The following MLC1 variants were observed in gnomAD, a reference collection of about 807,000 sequenced individuals.
The protein encoded by MLC1 is modulator of VRAC current 1.
A neutral mutation model predicts 44.7 loss-of-function variants in MLC1; 32 were observed. The observed-to-expected ratio is 0.72, with a 90% CI of 0.54 to 0.96. The LOEUF (loss-of-function observed/expected upper bound fraction) is 0.96. Ranked by LOEUF, MLC1 falls within the 40% of genes least tolerant of loss-of-function variation. The pLI is 0.00. For synonymous variants in MLC1, 190 were observed against 213.0 expected (o/e 0.89, Z 0.94); for missense variants, 459 against 492.2 (o/e 0.93, Z 0.64).
Position 50,072,997 on chromosome 22 carries a change from G to A in MLC1, c.714+1219C>T, listed in dbSNP as rs530657549. ...AACACAGCTGCTGCCAATGGGATGTGTCCACCTGGCAGGCGTGGGCCCCTT... is the reference window on the plus strand; with the variant it reads ...AACACAGCTGCTGCCAATGGGATGTATCCACCTGGCAGGCGTGGGCCCCTT... On this transcript the variant is annotated intron_variant, in intron 8 of 11. Coordinates refer to ENST00000311597, the MANE Select transcript of MLC1 (RefSeq NM_015166.4). Among the ~76,000 whole-genome samples the A allele has an allele frequency of 1.4e-4, 18 of 131,636 alleles. No individual in the cohort carries two copies. The East Asian group carries it at 4.3e-3, about 32-fold the overall frequency. 86.4% of individuals were successfully genotyped at this position (131,636 alleles called of 152,430 possible).
chr22:50,062,644 G>A (rs183818287), intron 11 of MLC1, among the ~76,000 whole-genome samples: 112 of 152,390 alleles, frequency 7.3e-4, no homozygotes, highest in African/African-American at 2.5e-3. Context: ...TTCTGAGGCC[G>A]GTGGTGTGCT....
rs1475168820 is a variant in MLC1, at chr22:50,083,798, C to T, written c.178-625G>A. Among the ~76,000 whole-genome samples the T allele has an allele frequency of 2.0e-5, 3 of 152,120 alleles. No homozygotes were observed. Among genetic ancestry groups the T allele is most frequent in the African/African-American group, 4.8e-5 (2 of 41,414 alleles). On this transcript the variant is annotated intron_variant, in intron 2 of 11. Transcript: ENST00000311597. This position sits in a 1 kb window ranked among gnomAD's most constrained non-coding sequence, Gnocchi z 4.6. ...GTCAGTATCAAAGGTCACTGGGACC[C>T]AGGGTCCTGGCAGAGGAAGCGAGGT...
chr22:50,063,872 ACCC>A (rs2061636978), intron 11 of MLC1, among the ~76,000 whole-genome samples, 159 bp downstream of exon 11: 2 of 14,742 alleles, frequency 1.4e-4, no homozygotes, highest in Non-Finnish European at 2.8e-4. Flanking sequence ...CCTCCCCAGC[ACCC>A]CCTCCCCCTG....
Position 50,060,970 on chromosome 22 carries a change from G to T in MLC1, c.*613C>A. ...TGGGAGAGCAGCGGCAGCCTGTGTC[G>T]CTTGCGCCCAGGCTCTGGAGGAGGG... On this transcript the variant is annotated 3_prime_UTR_variant, in exon 12 of 12. Coordinates refer to ENST00000311597, the MANE Select transcript of MLC1 (RefSeq NM_015166.4). The T allele has an allele frequency of 6.3e-6, 1 of 158,352 alleles. No individual in the cohort carries two copies. The highest frequency in any genetic ancestry group is 1.4e-5 in the Non-Finnish European group (1 of 71,238). The allele number at this position is 158,352 out of a possible 1,614,324, so 9.8% of individuals were successfully genotyped here. A position where few individuals can be genotyped will look rare whatever the true frequency, so the allele number is the denominator to read the frequency against.
chr22:50,062,592 G>A (rs117478707), intron 11 of MLC1, among the ~76,000 whole-genome samples: 82 of 152,382 alleles, frequency 5.4e-4, no homozygotes, highest in Non-Finnish European at 9.8e-4. Context: ...GCAAGAGAGC[G>A]TCCTCCGGGA....
Position 50,080,340 on chromosome 22 carries a change from T to C in MLC1, c.321+4A>G. On this transcript the variant is annotated splice_donor_region_variant and intron_variant, in intron 4 of 11. Coordinates refer to ENST00000311597, the MANE Select transcript of MLC1 (RefSeq NM_015166.4). The stretch of plus-strand genomic sequence containing the variant: ...GGCAGAGGCTGCCTGCAAGCTAGAC[T>C]CACCACATTGGCGTTCCTCCTGGAG... The C allele has an allele frequency of 6.2e-7, 1 of 1,606,294 alleles. No homozygotes were observed. Among genetic ancestry groups the C allele is most frequent in the Non-Finnish European group, 8.5e-7 (1 of 1,176,396 alleles).
chr22:50,081,905 TGAG>T (rs1270442673), intron 3 of MLC1, among the ~76,000 whole-genome samples: 1 of 152,144 alleles, frequency 6.6e-6, no homozygotes, highest in Non-Finnish European at 1.5e-5. Flanking sequence ...GCTCCCATGG[TGAG>T]GATAAAGGCC....
intron 9 of MLC1, among the ~76,000 whole-genome samples, chr22:50,070,181 G>A (rs1342912496): frequency 2.0e-5 from 3 of 152,108 alleles, no homozygotes; most frequent in Non-Finnish European, 4.4e-5. Flanking sequence ...CAGCCTGGGG[G>A]ACAAGAGCGA....
chr22:50,076,471 C>T (rs1197325980), intron 7 of MLC1, among the ~76,000 whole-genome samples: 1 of 151,884 alleles, frequency 6.6e-6, no homozygotes, highest in Non-Finnish European at 1.5e-5. Flanking sequence ...AGGAGAATTA[C>T]TTGAACCTGG....
intron 10 of MLC1, among the ~76,000 whole-genome samples, chr22:50,068,020 G>C (rs2061755110): frequency 1.3e-5 from 2 of 152,008 alleles, no homozygotes; most frequent in East Asian, 3.9e-4. Context: ...ACGTGCCTGA[G>C]CCTCAGAAGT....
chr22:50,070,089 C>G (rs895791943), intron 9 of MLC1, among the ~76,000 whole-genome samples: 4 of 152,092 alleles, frequency 2.6e-5, no homozygotes, highest in African/African-American at 9.7e-5. Context: ...ATAATCCCAG[C>G]TACTCAGGAG....
intron 9 of MLC1, among the ~76,000 whole-genome samples, chr22:50,068,998 AT>A (rs1308719513): frequency 6.6e-6 from 1 of 151,570 alleles, no homozygotes; most frequent in Non-Finnish European, 1.5e-5. Context: ...AAGTGCTGTG[AT>A]TACAGGCATG....
At chr22:50,079,347 G>A (rs774931626) in intron 5 of MLC1, among the ~76,000 whole-genome samples, 2 of 151,460 alleles carry the variant, frequency 1.3e-5, no homozygotes, top group Non-Finnish European at 2.9e-5. Context: ...TCCTGTGTCT[G>A]CTCATTTTTC....
rs1569240709 is a variant in MLC1, at chr22:50,062,208, T to TGAGCCCCAGCCGC, written c.1060-552_1060-551insGCGGCTGGGGCTC. The stretch of plus-strand genomic sequence containing the variant: ...AGCCATCCACCCTGAGCCCCAGCCG[T>TGAGCCCCAGCCGC]CCACCCTGAGCCCCAGCCGCCCACC... On this transcript the variant is annotated intron_variant, in intron 11 of 11. Transcript: ENST00000311597. 2.2e-3 allele frequency among the ~76,000 whole-genome samples: 197 copies of TGAGCCCCAGCCGC among 91,204 alleles called. 9 individuals are homozygous for TGAGCCCCAGCCGC. Among genetic ancestry groups the TGAGCCCCAGCCGC allele is most frequent in the African/African-American group, 7.9e-3 (179 of 22,546 alleles). The allele number at this position is 91,204 out of a possible 152,430, so 59.8% of individuals were successfully genotyped here. A position where few individuals can be genotyped will look rare whatever the true frequency, so the allele number is the denominator to read the frequency against.
intron 9 of MLC1, among the ~76,000 whole-genome samples, chr22:50,068,767 G>A (rs111337539): frequency 4.5e-5 from 6 of 134,514 alleles, no homozygotes; most frequent in African/African-American, 1.4e-4. Context: ...TCGCTGTGTC[G>A]CCAGGCTGGA....
At chr22:50,074,437 C>G in intron 7 of MLC1, 105 bp from the exon 8 acceptor site, 1 of 1,044,018 alleles carries the variant, frequency 9.6e-7, no homozygotes, top group South Asian at 1.3e-5. Flanking sequence ...GTCCAGTGGG[C>G]TGGCCCCAGA....
intron 8 of MLC1, among the ~76,000 whole-genome samples, chr22:50,071,853 C>A (rs2061859634): frequency 1.3e-5 from 2 of 152,214 alleles, no homozygotes; most frequent in Admixed American, 6.5e-5. Context: ...CAGGTGCCAG[C>A]ACCCCAGCCC....
At position 50,083,750 on chromosome 22, in the gene MLC1, C is replaced by A. The variant is rs1484275476; in HGVS notation, c.178-577G>T. Among the ~76,000 whole-genome samples, 5 of 152,082 alleles carry A rather than the reference C, an allele frequency of 3.3e-5. No individual in the cohort carries two copies. In the East Asian group the frequency reaches 9.7e-4, roughly 29 times the overall value. ...AGGGGGCTCTCTCTCACGCACAGCA[C>A]CCCCGGGGTGAGTCTGAGGGGAGTC... On this transcript the variant is annotated intron_variant, in intron 2 of 11. Transcript: ENST00000311597. The surrounding 1 kb of genome is among the most constrained non-coding windows in gnomAD (Gnocchi z 4.6).
At chr22:50,077,310 G>A in intron 6 of MLC1, 91 bp downstream of exon 6, 1 of 1,159,006 alleles carries the variant, frequency 8.6e-7, no homozygotes, top group Non-Finnish European at 1.3e-6. Context: ...GCCCAGATCG[G>A]CCCTCCGAGG....
Sources: gnomAD v4.1 joint callset for allele counts (sites outside exome capture counted in the v4.1 genomes callset) on GRCh38, gnomAD v4.1.1 for gene constraint, Gnocchi (gnomAD v3.1) non-coding constraint, MANE v1.5 for transcripts, NCBI Gene and HGNC (gene_info 2026-07-23, HGNC 2026-07-21) for gene names.